Variants in TIAM2 observed in about 807,000 individuals in gnomAD.
TIAM2 encodes TIAM Rac1 associated GEF 2.
In TIAM2, 80 loss-of-function variants were observed where a neutral mutation model predicts 152.9. The observed-to-expected ratio is 0.52, with a 90% CI of 0.44 to 0.63. The LOEUF (loss-of-function observed/expected upper bound fraction) is 0.63. Among genes scored for constraint, TIAM2 ranks in the 30% least tolerant of loss-of-function variants. TIAM2 has a pLI of 0.00. For synonymous variants in TIAM2, 804 were observed against 838.0 expected (o/e 0.96, Z 0.70); for missense variants, 1,965 against 2,120.1 (o/e 0.93, Z 1.44).
At chr6:155,138,206 G>A (rs1779600340) in intron 5 of TIAM2, among the ~76,000 whole-genome samples, 1 of 152,166 alleles carries the variant, frequency 6.6e-6, no homozygotes, top group African/African-American at 2.4e-5. Flanking sequence ...TTATAGGTAT[G>A]CCTGTACCAT....
At position 155,129,087 on chromosome 6, in the gene TIAM2, C is replaced by G; in HGVS notation, c.-6-131C>G. 1 of 789,918 alleles carries G rather than the reference C, an allele frequency of 1.3e-6. No individual in the cohort carries two copies. Among genetic ancestry groups the G allele is most frequent in the Non-Finnish European group, 2.0e-6 (1 of 505,518 alleles). The allele number at this position is 789,918 out of a possible 1,614,324, so 48.9% of individuals were successfully genotyped here. A position where few individuals can be genotyped will look rare whatever the true frequency, so the allele number is the denominator to read the frequency against. Reference sequence around the variant, plus strand: ...GCCTGTTCTACTGACTGACTCTTGTCCCTACTCCTCTGAGTCCTTCCAGGC... The same window carrying G: ...GCCTGTTCTACTGACTGACTCTTGTGCCTACTCCTCTGAGTCCTTCCAGGC... On this transcript the variant is annotated intron_variant, in intron 3 of 26. Coordinates refer to ENST00000682666, the MANE Select transcript of TIAM2 (RefSeq NM_012454.4). This position sits in a 1 kb window ranked among gnomAD's most constrained non-coding sequence, Gnocchi z 4.8.
chr6:155,061,836 TG>T (rs1170052171), intron 1 of TIAM2, among the ~76,000 whole-genome samples: 9 of 152,204 alleles, frequency 5.9e-5, no homozygotes, highest in African/African-American at 1.9e-4. Context: ...TAAAAAAATT[TG>T]TATGACAGTT....
At chr6:155,005,798 T>C (rs1171147884) in intron 1 of TIAM2, among the ~76,000 whole-genome samples, 1 of 151,838 alleles carries the variant, frequency 6.6e-6, no homozygotes, top group Non-Finnish European at 1.5e-5. Context: ...TGCAGGCGCC[T>C]GCCACCACGC....
chr6:154,997,008 T>C (rs1778224655), intron 1 of TIAM2, among the ~76,000 whole-genome samples: 1 of 151,594 alleles, frequency 6.6e-6, no homozygotes, highest in African/African-American at 2.4e-5. Flanking sequence ...CATACCATAC[T>C]AAGATGCTTC....
At chr6:155,099,220 A>ATGTGTG (rs34269926) in intron 2 of TIAM2, among the ~76,000 whole-genome samples, 1 of 148,186 alleles carries the variant, frequency 6.7e-6, no homozygotes, top group African/African-American at 2.5e-5. Context: ...GTATATATAT[A>ATGTGTG]TGTGTGTGTG....
At chr6:155,115,574 G>T (rs1778988468) in intron 2 of TIAM2, among the ~76,000 whole-genome samples, 1 of 152,130 alleles carries the variant, frequency 6.6e-6, no homozygotes, top group Admixed American at 6.5e-5. Flanking sequence ...GCTCACTTGA[G>T]CCCTGGCATT....
chr6:155,067,148 C>T (rs540138790), intron 1 of TIAM2, among the ~76,000 whole-genome samples: 1 of 152,196 alleles, frequency 6.6e-6, no homozygotes, highest in African/African-American at 2.4e-5. Flanking sequence ...TCGTAGGACC[C>T]CAGACTCAGC....
chr6:155,056,118 G>C (rs1777444723), intron 1 of TIAM2, among the ~76,000 whole-genome samples: 2 of 148,090 alleles, frequency 1.4e-5, no homozygotes, highest in Admixed American at 1.3e-4. Flanking sequence ...TTTTCTGTAT[G>C]CTCTATGATG....
chr6:155,067,819 T>C (rs1777735925), intron 1 of TIAM2, among the ~76,000 whole-genome samples: 1 of 152,052 alleles, frequency 6.6e-6, no homozygotes, highest in African/African-American at 2.4e-5. Flanking sequence ...TTTTTGTATT[T>C]TTTGTAGTGA....
At chr6:155,170,925 C>G (rs1225289886) in intron 9 of TIAM2, among the ~76,000 whole-genome samples, 1 of 152,160 alleles carries the variant, frequency 6.6e-6, no homozygotes, top group East Asian at 1.9e-4. Flanking sequence ...TAACTAGATT[C>G]AGATAGAATG....
chr6:155,055,843 T>TC (rs148602643), intron 1 of TIAM2, among the ~76,000 whole-genome samples: 11,138 of 152,124 alleles, frequency 0.073, 519 homozygotes, highest in East Asian at 0.22. Flanking sequence ...CATGCCTGTA[T>TC]CCTAGCTACT....
Position 155,144,596 on chromosome 6 carries a change from T to C in TIAM2, c.1631-10T>C, listed in dbSNP as rs1479530146. 1 of 1,503,172 alleles carries C rather than the reference T, an allele frequency of 6.7e-7. No individual in the cohort carries two copies. Among genetic ancestry groups the C allele is most frequent in the Non-Finnish European group, 8.8e-7 (1 of 1,132,418 alleles). 93.1% of individuals were successfully genotyped at this position (1,503,172 alleles called of 1,614,324 possible). On this transcript the variant is annotated splice_polypyrimidine_tract_variant and intron_variant, in intron 5 of 26. Coordinates refer to ENST00000682666, the MANE Select transcript of TIAM2 (RefSeq NM_012454.4). The stretch of plus-strand genomic sequence containing the variant: ...TGACCGGGATGTTATTTTGCTTCTC[T>C]GTTTCACAGGATGCACGCTGCTGTT...
intron 22 of TIAM2, 148 bp from the exon 23 acceptor site, chr6:155,251,797 G>A: frequency 1.5e-6 from 1 of 660,018 alleles, no homozygotes; most frequent in East Asian, 2.8e-5. Context: ...CGAAAGGGAA[G>A]TACCATTTAT....
intron 1 of TIAM2, among the ~76,000 whole-genome samples, chr6:155,015,944 CAAAAAAAAAAAAAAAAAA>C (rs3081689): frequency 3.7e-4 from 23 of 61,764 alleles, no homozygotes; most frequent in African/African-American, 9.8e-4. Context: ...TTCAAAAAAC[CAAAAAAAAAAAAAAAAAA>C]AAAAAAAAAA....
chr6:155,163,677 C>G (rs548432122), intron 7 of TIAM2, among the ~76,000 whole-genome samples: 72 of 152,180 alleles, frequency 4.7e-4, no homozygotes, highest in Non-Finnish European at 9.7e-4. Flanking sequence ...TCAGAATGAA[C>G]AGAAACATAA....
Position 155,188,767 on chromosome 6 carries a change from A to G in TIAM2, c.3064+5267A>G, listed in dbSNP as rs189457288. Among the ~76,000 whole-genome samples the G allele has an allele frequency of 4.3e-3, 656 of 152,342 alleles. 3 individuals carry two copies. The highest frequency in any genetic ancestry group is 7.1e-3 in the Non-Finnish European group (485 of 68,030). On this transcript the variant is annotated intron_variant, in intron 14 of 26. Transcript: ENST00000682666. ...GTCTCATTGGGCATAGAGTTTCTGAATAAAGTCTTTATGTAAACACTGAAC... is the reference window on the plus strand; with the variant it reads ...GTCTCATTGGGCATAGAGTTTCTGAGTAAAGTCTTTATGTAAACACTGAAC...
At chr6:155,189,365 A>C (rs567838350) in intron 14 of TIAM2, among the ~76,000 whole-genome samples, 105 of 151,684 alleles carry the variant, frequency 6.9e-4, no homozygotes, top group African/African-American at 2.5e-3. Context: ...TTTTTTTTAA[A>C]TCAGAAAACA....
intron 1 of TIAM2, among the ~76,000 whole-genome samples, chr6:155,039,926 A>G (rs1562297950): frequency 6.6e-6 from 1 of 152,242 alleles, no homozygotes; most frequent in Admixed American, 6.5e-5. Flanking sequence ...AAAATGGTTT[A>G]TGCAGTTGAA....
At chr6:155,202,988 G>T (rs1034012252) in intron 14 of TIAM2, among the ~76,000 whole-genome samples, 1 of 144,090 alleles carries the variant, frequency 6.9e-6, no homozygotes, top group Non-Finnish European at 1.5e-5. Flanking sequence ...GGCGGAGGTC[G>T]CAGTGAGCTG....
Sources: allele counts gnomAD v4.1 joint callset (sites outside exome capture counted in the v4.1 genomes callset), GRCh38; gene constraint gnomAD v4.1.1; non-coding constraint Gnocchi (gnomAD v3.1); transcripts MANE v1.5; gene names NCBI Gene and HGNC (gene_info 2026-07-23, HGNC 2026-07-21).